Variants in AGBL5 observed in about 807,000 individuals in gnomAD.
AGBL5 encodes cytosolic carboxypeptidase-like protein 5.
In AGBL5, 51 loss-of-function variants were observed where a neutral mutation model predicts 88.0. The ratio of observed to expected loss-of-function variants is 0.58; its 90% CI spans 0.46 to 0.73. The LOEUF (loss-of-function observed/expected upper bound fraction) is 0.73, where lower values mean the gene tolerates loss of function less well. AGBL5 is among the 30% of genes least tolerant of loss of function. AGBL5 has a pLI of 0.00. For synonymous variants in AGBL5, 446 were observed against 438.8 expected (o/e 1.02, Z -0.21); for missense variants, 1,031 against 1,162.2 (o/e 0.89, Z 1.64).
At chr2:27,058,132 T>C (rs1668531812) in intron 9 of AGBL5, among the ~76,000 whole-genome samples, 1 of 151,046 alleles carries the variant, frequency 6.6e-6, no homozygotes, top group South Asian at 2.1e-4. Context: ...ACCCCTTTCC[T>C]GCTAGGAGAA....
intron 11 of AGBL5, among the ~76,000 whole-genome samples, chr2:27,063,397 C>G (rs1361909353): frequency 6.6e-6 from 1 of 152,136 alleles, no homozygotes; most frequent in Admixed American, 6.5e-5. Context: ...AGATCGAGAC[C>G]GTCCTGGCTA....
chr2:27,051,403 G>C (rs1002288432), upstream of AGBL5: 10 of 152,204 alleles, frequency 6.6e-5, no homozygotes, highest in African/African-American at 2.2e-4. Flanking sequence ...AGTTTCACAC[G>C]ATGTCTTTTT....
At chr2:27,051,245 T>G (rs1471613693), upstream of AGBL5, among the ~76,000 whole-genome samples, 1 of 152,226 alleles carries the variant, frequency 6.6e-6, no homozygotes, top group East Asian at 1.9e-4. Flanking sequence ...GAGCGCTCGC[T>G]TAGCATGCGA....
chr2:27,050,921 A>T (rs767222460), upstream of AGBL5: 6 of 152,204 alleles, frequency 3.9e-5, no homozygotes, highest in Admixed American at 1.3e-4. Context: ...CCATAAGGGG[A>T]AAGGCTTGGA....
intron 9 of AGBL5, among the ~76,000 whole-genome samples, chr2:27,058,188 C>G (rs1052492970): frequency 1.3e-5 from 2 of 152,226 alleles, no homozygotes; most frequent in African/African-American, 4.8e-5. Context: ...CTTTGCCCCT[C>G]ATAATGGAAG....
Position 27,069,556 on chromosome 2 carries a change from A to G in AGBL5, c.2356-17A>G, listed in dbSNP as rs1669172332. ...ATGGAAGAATCCAGCCTCTTAGCGCAAACCCTGTCCACACAGGCTAGGCCC... is the reference window on the plus strand; with the variant it reads ...ATGGAAGAATCCAGCCTCTTAGCGCGAACCCTGTCCACACAGGCTAGGCCC... On this transcript the variant is annotated splice_polypyrimidine_tract_variant and intron_variant, in intron 13 of 14. Transcript: ENST00000360131. The G allele has an allele frequency of 1.2e-6, 2 of 1,610,286 alleles. No homozygotes were observed. Among genetic ancestry groups the G allele is most frequent in the Non-Finnish European group, 1.7e-6 (2 of 1,177,564 alleles).
chr2:27,062,243 C>T (rs1459467762), intron 11 of AGBL5, among the ~76,000 whole-genome samples: 1 of 151,688 alleles, frequency 6.6e-6, no homozygotes, highest in African/African-American at 2.4e-5. Flanking sequence ...CCTGCTTCAG[C>T]CTCCCAATTA....
chr2:27,056,011 A>C lies in AGBL5; in HGVS notation c.1238A>C (p.Glu413Ala). 6.2e-7 allele frequency: 1 copy of C among 1,614,236 alleles called. No homozygotes were observed. The highest frequency in any genetic ancestry group is 8.5e-7 in the Non-Finnish European group (1 of 1,180,038). Residue 413 changes from glutamate (E) to alanine (A), a missense_variant, in exon 7 of 15, where the codon GAA (glutamate) becomes GCA (alanine). This residue lies in a region of AGBL5 where 540 missense variants were observed against 678.2 expected (regional missense o/e 0.80). Coordinates refer to ENST00000360131, the MANE Select transcript of AGBL5 (RefSeq NM_021831.6). ...ATGCCACAACAGTCTGCGGGGCTTG[A>C]AGAGTCAGCCCCTGATACCATCCCC... ...WIMPQQSAGLEESAPDTIPPK... is the reference protein window; with the variant it reads ...WIMPQQSAGLAESAPDTIPPK...
chr2:27,065,021 T>C (rs1210845832), intron 11 of AGBL5, among the ~76,000 whole-genome samples: 1 of 151,274 alleles, frequency 6.6e-6, no homozygotes, highest in Non-Finnish European at 1.5e-5. Context: ...CCCAAAGTGG[T>C]GGGATTACAG....
intron 11 of AGBL5, 187 bp downstream of exon 11, chr2:27,059,591 TTG>T: frequency 1.2e-5 from 17 of 1,389,244 alleles, no homozygotes; most frequent in Non-Finnish European, 1.6e-5. Context: ...CAGAGCGGTA[TTG>T]TGTGTGGCCA....
intron 5 of AGBL5, 75 bp from the exon 6 acceptor site, chr2:27,055,000 A>G: frequency 2.6e-6 from 4 of 1,533,746 alleles, no homozygotes; most frequent in Non-Finnish European, 3.6e-6. Context: ...TGCCTCATCC[A>G]TGACACCCCC....
Position 27,070,561 on chromosome 2 carries a change from G to A in AGBL5, c.*298G>A. On this transcript the variant is annotated 3_prime_UTR_variant, in exon 15 of 15. Transcript: ENST00000360131. ...CTATACTGGGCCCTATTCAGTGGCAGCTTCTTGTTCCATAGGATTAAGGAA... is the reference window on the plus strand; with the variant it reads ...CTATACTGGGCCCTATTCAGTGGCAACTTCTTGTTCCATAGGATTAAGGAA... 1 of 323,834 alleles carries A rather than the reference G, an allele frequency of 3.1e-6. No individual in the cohort carries two copies. Among genetic ancestry groups the A allele is most frequent in the Non-Finnish European group, 5.7e-6 (1 of 175,106 alleles). 20.1% of individuals were successfully genotyped at this position (323,834 alleles called of 1,614,324 possible). A position where few individuals can be genotyped will look rare whatever the true frequency, so the allele number is the denominator to read the frequency against.
At chr2:27,068,500 A>G (rs1421298258) in intron 12 of AGBL5, 132 bp from the exon 13 acceptor site, 1 of 709,418 alleles carries the variant, frequency 1.4e-6, no homozygotes, top group Admixed American at 2.6e-5. Flanking sequence ...ACAATGCACA[A>G]GACTACTCCC....
chr2:27,067,530 C>T lies in AGBL5; in HGVS notation c.2126C>T (p.Pro709Leu). The change falls in exon 12 of 15, where the codon CCC becomes CTC. Residue 709 changes from proline to leucine, a missense_variant. By Grantham distance (98) the Pro-to-Leu change is moderately conservative. Around this residue, in one of 2 missense-constraint regions of AGBL5, gnomAD observed 491 missense variants for 484.0 expected, o/e 1.01. Transcript: ENST00000360131. ...RSQDRRRQQQ[P>L]LNHRPAGSLA... ...CAGGACAGGAGACGGCAGCAGCAGC[C>T]CCTGAACCATCGTCCTGCAGGCAGC... The T allele has an allele frequency of 6.2e-7, 1 of 1,614,102 alleles. No individual in the cohort carries two copies.
At chr2:27,069,932 C>G (rs1044951416) in intron 14 of AGBL5, 160 bp from the exon 15 acceptor site, 1 of 985,460 alleles carries the variant, frequency 1.0e-6, no homozygotes, top group South Asian at 4.7e-5. Context: ...GGTCTAGGAG[C>G]TGGCTGGTTC....
chr2:27,056,588 C>G (rs765967020), intron 7 of AGBL5, 35 bp from the exon 8 acceptor site: 1 of 1,563,886 alleles, frequency 6.4e-7, no homozygotes, highest in Non-Finnish European at 8.7e-7. Context: ...TCCCTTCTGT[C>G]TCTCCTTCTG....
chr2:27,062,119 CTTTTTTTTTTT>C (rs11295283), intron 11 of AGBL5, among the ~76,000 whole-genome samples: 2 of 88,838 alleles, frequency 2.3e-5, no homozygotes, highest in South Asian at 5.0e-4. Flanking sequence ...CCATCTAGGC[CTTTTTTTTTTT>C]TTTTTTTTTT....
chr2:27,058,682 ATTCC>A, intron 10 of AGBL5, 80 bp downstream of exon 10: 2 of 1,467,530 alleles, frequency 1.4e-6, no homozygotes, highest in Admixed American at 3.8e-5. Flanking sequence ...AGGGATTTAT[ATTCC>A]TTCCATCCTC....
chr2:27,061,877 A>T (rs1033341625), intron 11 of AGBL5: 2 of 151,632 alleles, frequency 1.3e-5, no homozygotes, highest in African/African-American at 4.9e-5. Flanking sequence ...CAATGGTGCA[A>T]TCTCGGCTCA....
Sources: allele counts gnomAD v4.1 joint callset (sites outside exome capture counted in the v4.1 genomes callset), GRCh38; gene constraint gnomAD v4.1.1; regional missense constraint gnomAD v4.1.1; transcripts MANE v1.5; gene names NCBI Gene and HGNC (gene_info 2026-07-23, HGNC 2026-07-21).